Variants in ZZEF1 observed in about 807,000 individuals in gnomAD.
The protein encoded by ZZEF1 is zinc finger ZZ-type and EF-hand domain containing 1.
A neutral mutation model predicts 342.8 loss-of-function variants in ZZEF1; 157 were observed. The observed-to-expected ratio is 0.46, with a 90% CI of 0.40 to 0.52. The LOEUF (loss-of-function observed/expected upper bound fraction) is 0.52. ZZEF1 is among the 20% of genes least tolerant of loss of function. The probability of loss-of-function intolerance (pLI) is 0.00; values close to 1 mark genes in which losing one functional copy is unlikely to be tolerated. For synonymous variants in ZZEF1, 1,505 were observed against 1,429.1 expected, an observed-to-expected ratio of 1.05 and a Z score of -1.20; for missense variants, 3,480 against 3,725.6, an observed-to-expected ratio of 0.93 and a Z score of 1.72.
At chr17:4,007,149 T>A (rs1597741422) in intron 54 of ZZEF1, among the ~76,000 whole-genome samples, 179 bp from the exon 55 acceptor site, 1 of 152,072 alleles carries the variant, frequency 6.6e-6, no homozygotes, top group Non-Finnish European at 1.5e-5. Context: ...TAAGAGCACA[T>A]GAAAGCTCCA....
At chr17:4,061,272 T>C (rs144570530) in intron 30 of ZZEF1, among the ~76,000 whole-genome samples, 1 of 152,324 alleles carries the variant, frequency 6.6e-6, no homozygotes, top group African/African-American at 2.4e-5. Flanking sequence ...TCCATTCTTC[T>C]CTTGACTTCT....
Position 4,009,000 on chromosome 17 carries a change from A to G in ZZEF1, c.8734-46T>C, listed in dbSNP as rs1416453274. ...CTGTGAGTGACAGCGCCAGATGCGC[A>G]GTGCAGCTCTCCCAGACCACCTGGG... On this transcript the variant is annotated intron_variant, in intron 53 of 54. Transcript: ENST00000381638. This position sits in a 1 kb window ranked among gnomAD's most constrained non-coding sequence, Gnocchi z 4.2. The G allele has an allele frequency of 1.1e-5, 17 of 1,532,770 alleles. No homozygotes were observed. Among genetic ancestry groups the G allele is most frequent in the Non-Finnish European group, 1.4e-5 (16 of 1,143,762 alleles). The allele number at this position is 1,532,770 out of a possible 1,614,324, so 94.9% of individuals were successfully genotyped here.
chr17:4,074,202 G>C lies in ZZEF1; in HGVS notation c.3633C>G (p.Ser1211=). The change falls in exon 24 of 55, where the codon TCC becomes TCG. Residue 1211 remains serine (S), a synonymous_variant. Coordinates refer to ENST00000381638, the MANE Select transcript of ZZEF1 (RefSeq NM_015113.4). ...SWGLDLQLLV[S]RLMGRLASQC... is the part of the protein sequence containing the mutation. Reference sequence around the variant, plus strand: ...GGGAAGCCAGGCGTCCCATCAGCCGGGAGACGAGGAGCTGTAAATCCAGCC... The same window carrying C: ...GGGAAGCCAGGCGTCCCATCAGCCGCGAGACGAGGAGCTGTAAATCCAGCC... 6.2e-7 allele frequency: 1 copy of C among 1,614,074 alleles called. No individual in the cohort carries two copies. The highest frequency in any genetic ancestry group is 1.7e-5 in the Admixed American group (1 of 60,024).
At chr17:4,019,627 C>T (rs1178533677) in intron 46 of ZZEF1, 42 bp downstream of exon 46, 10 of 1,573,368 alleles carry the variant, frequency 6.4e-6, no homozygotes, top group Non-Finnish European at 8.7e-6. Context: ...CTCACATATT[C>T]TCTCCCTGGC....
intron 35 of ZZEF1, 57 bp from the exon 36 acceptor site, chr17:4,051,100 A>C (rs1407971126): frequency 6.2e-7 from 1 of 1,612,820 alleles, no homozygotes; most frequent in Admixed American, 1.7e-5. Flanking sequence ...TTGTGGCTCC[A>C]AACAGGAGCA....
At chr17:4,085,606 A>C in intron 16 of ZZEF1, 64 bp downstream of exon 16, 1 of 1,600,758 alleles carries the variant, frequency 6.2e-7, no homozygotes, top group Non-Finnish European at 8.5e-7. Flanking sequence ...AGAGGTAACA[A>C]AGCCTAGCAA....
chr17:4,081,208 G>A (rs374753832), intron 18 of ZZEF1, among the ~76,000 whole-genome samples, 168 bp downstream of exon 18: 4 of 152,112 alleles, frequency 2.6e-5, no homozygotes, highest in Non-Finnish European at 5.9e-5. Flanking sequence ...CTGCACCCCA[G>A]CCCGGGTGAC....
chr17:4,049,967 C>A (rs1229942644), intron 36 of ZZEF1, 108 bp from the exon 37 acceptor site: 3 of 1,260,010 alleles, frequency 2.4e-6, no homozygotes, highest in Non-Finnish European at 3.3e-6. Context: ...TAAATGAGTT[C>A]TGCACAAACC....
chr17:4,031,186 C>T (rs1267422699), intron 42 of ZZEF1, among the ~76,000 whole-genome samples: 3 of 151,990 alleles, frequency 2.0e-5, no homozygotes, highest in Admixed American at 6.6e-5. Context: ...TGTGGTGGTA[C>T]GTGCCTGTAA....
intron 1 of ZZEF1, among the ~76,000 whole-genome samples, chr17:4,140,907 T>A (rs973674315): frequency 8.5e-6 from 1 of 117,566 alleles, no homozygotes; most frequent in South Asian, 4.1e-4. Flanking sequence ...CTAACTAATA[T>A]GACTTTTTTT....
intron 9 of ZZEF1, among the ~76,000 whole-genome samples, chr17:4,098,618 G>A (rs12949990): frequency 0.016 from 2,379 of 152,086 alleles, 35 homozygotes; most frequent in Non-Finnish European, 0.026. Flanking sequence ...CAATAAATAA[G>A]CTTTTTTTTC....
At chr17:4,104,932 T>G in intron 7 of ZZEF1, 121 bp from the exon 8 acceptor site, 1 of 797,466 alleles carries the variant, frequency 1.3e-6, no homozygotes, top group Non-Finnish European at 1.9e-6. Flanking sequence ...TCTACAGGTT[T>G]ATCCGAAATA....
intron 5 of ZZEF1, among the ~76,000 whole-genome samples, chr17:4,110,835 C>T (rs2058284485): frequency 6.6e-6 from 1 of 151,932 alleles, no homozygotes; most frequent in African/African-American, 2.4e-5. Flanking sequence ...CTGCCTCAGC[C>T]TCCCAAGTAG....
At chr17:4,115,611 C>G (rs148584701) in intron 3 of ZZEF1, among the ~76,000 whole-genome samples, 60 of 151,852 alleles carry the variant, frequency 4.0e-4, no homozygotes, top group Non-Finnish European at 7.6e-4. Flanking sequence ...TTCGGTGAGC[C>G]GGGATCACAC....
chr17:4,051,577 C>T (rs1356847498), intron 35 of ZZEF1, among the ~76,000 whole-genome samples: 2 of 151,960 alleles, frequency 1.3e-5, no homozygotes, highest in African/African-American at 4.8e-5. Flanking sequence ...CCCACCACCA[C>T]ACCCAGCTAA....
intron 39 of ZZEF1, 144 bp from the exon 40 acceptor site, chr17:4,034,436 T>C (rs1157730934): frequency 4.0e-6 from 3 of 751,772 alleles, no homozygotes; most frequent in South Asian, 3.7e-5. Flanking sequence ...GCCATATGTA[T>C]AATCACTTAC....
In ZZEF1 at chr17:4,014,399, G is replaced by A. The variant is rs771497957; in HGVS notation, c.8262C>T (p.Asp2754=). 1 of 1,614,234 alleles carries A rather than the reference G, an allele frequency of 6.2e-7. No homozygotes were observed. Among genetic ancestry groups the A allele is most frequent in the East Asian group, 2.2e-5 (1 of 44,890 alleles). The change falls in exon 50 of 55, where the codon GAC becomes GAT. Residue 2754 remains aspartate (D), a synonymous_variant. Transcript: ENST00000381638. The surrounding 1 kb of genome is among the most constrained non-coding windows in gnomAD (Gnocchi z 4.4). Reference sequence around the variant, plus strand: ...GCTGAGACCCGCTGAAGCTGTGTCGGTCTTGCTGGAAGTCACTGCTGCTGG... The same window carrying A: ...GCTGAGACCCGCTGAAGCTGTGTCGATCTTGCTGGAAGTCACTGCTGCTGG... The part of the protein sequence containing the change: ...AMSSSSDFQQ[D]RHSFSGSQQK...
At chr17:4,026,520 TTTC>T (rs1405656678) in intron 42 of ZZEF1, among the ~76,000 whole-genome samples, 1 of 151,712 alleles carries the variant, frequency 6.6e-6, no homozygotes, top group East Asian at 1.9e-4. Context: ...ATCTTTTTTT[TTTC>T]TTTTTTTTTT....
intron 2 of ZZEF1, among the ~76,000 whole-genome samples, chr17:4,119,218 T>G (rs111400908): frequency 9.2e-5 from 14 of 152,336 alleles, no homozygotes; most frequent in African/African-American, 3.1e-4. Context: ...AGTCACCACT[T>G]GGTTAAGCTT....
Sources: allele counts gnomAD v4.1 joint callset (sites outside exome capture counted in the v4.1 genomes callset), GRCh38; gene constraint gnomAD v4.1.1; non-coding constraint Gnocchi (gnomAD v3.1); transcripts MANE v1.5; gene names NCBI Gene and HGNC (gene_info 2026-07-23, HGNC 2026-07-21).